The following CHODL variants were observed in gnomAD, a reference collection of about 807,000 sequenced individuals.
The protein encoded by CHODL is chondrolectin.
Under a neutral mutation model 34.5 loss-of-function variants are expected in CHODL, and 29 were observed. The ratio of observed to expected loss-of-function variants is 0.84; its 90% confidence interval spans 0.63 to 1.15. The LOEUF is 1.15. Among genes scored for constraint, CHODL ranks in the 50% most tolerant of loss-of-function variants. The pLI is 0.00. For missense variants in CHODL, 332 were observed against 332.5 expected (o/e 1.00, Z 0.01); for synonymous variants, 125 against 116.1 (o/e 1.08, Z -0.49).
chr21:17,966,045 T>A (rs2063569815), intron 1 of CHODL, among the ~76,000 whole-genome samples: 1 of 151,884 alleles, frequency 6.6e-6, no homozygotes, highest in African/African-American at 2.4e-5. Flanking sequence ...TTCTTAAATA[T>A]TTTAATATTA....
In CHODL at chr21:18,266,116, G is replaced by A. The variant is rs1568966762; in HGVS notation, c.*78G>A. The A allele has an allele frequency of 6.2e-7, 1 of 1,610,936 alleles. No homozygotes were observed. The highest frequency in any genetic ancestry group is 1.3e-5 in the African/African-American group (1 of 74,972). ...TGGCATCAGAACAATAGCTTGGAAT[G>A]GCTTGAAATCACAAAGGATCTGCAA... is the stretch of plus-strand genomic sequence containing the variant. On this transcript the variant is annotated 3_prime_UTR_variant, in exon 6 of 6. Coordinates refer to ENST00000299295, the MANE Select transcript of CHODL (RefSeq NM_024944.3).
intron 2 of CHODL, among the ~76,000 whole-genome samples, chr21:18,081,225 T>G (rs2064937806): frequency 6.6e-6 from 1 of 151,996 alleles, no homozygotes; most frequent in Admixed American, 6.6e-5. Context: ...AATCTAAGAG[T>G]TTTTTGGTGG....
intron 1 of CHODL, among the ~76,000 whole-genome samples, chr21:18,251,187 T>C (rs924464344): frequency 2.0e-5 from 3 of 150,794 alleles, no homozygotes; most frequent in Non-Finnish European, 4.4e-5. Flanking sequence ...GTTAGCTCTA[T>C]AGAAATTTTA....
At chr21:18,159,766 G>A (rs969994293) in intron 2 of CHODL, among the ~76,000 whole-genome samples, 5 of 152,284 alleles carry the variant, frequency 3.3e-5, no homozygotes, top group African/African-American at 1.2e-4. Flanking sequence ...TAAAAATGGA[G>A]CACTTTTCCC....
intron 1 of CHODL, among the ~76,000 whole-genome samples, chr21:17,994,493 T>G (rs1009179512): frequency 6.6e-6 from 1 of 152,012 alleles, no homozygotes; most frequent in Admixed American, 6.6e-5. Context: ...GCAGGCTTGG[T>G]GGGTTAGTCC....
intron 2 of CHODL, among the ~76,000 whole-genome samples, chr21:18,194,635 C>CAAATAAA (rs2073560414): frequency 6.7e-6 from 1 of 149,872 alleles, no homozygotes; most frequent in African/African-American, 2.5e-5. Context: ...GCGTATTTGA[C>CAAATAAA]AAATAAAAAT....
chr21:18,181,870 A>G (rs935150149), intron 2 of CHODL, among the ~76,000 whole-genome samples: 2 of 152,270 alleles, frequency 1.3e-5, no homozygotes, highest in Middle Eastern at 3.4e-3. Flanking sequence ...ACATATATCA[A>G]TACTTTATTT....
At chr21:18,169,445 A>G (rs10446095) in intron 2 of CHODL, among the ~76,000 whole-genome samples, 70,827 of 146,318 alleles carry the variant, frequency 0.48, 19,619 homozygotes, top group Non-Finnish European at 0.65. Context: ...TTTTTTTTTT[A>G]TCTTGATCTA....
chr21:18,195,492 G>T (rs1033355982), intron 2 of CHODL, among the ~76,000 whole-genome samples: 1 of 152,040 alleles, frequency 6.6e-6, no homozygotes, highest in African/African-American at 2.4e-5. Context: ...CTCAGCAACC[G>T]CCATTCTACT....
intron 2 of CHODL, among the ~76,000 whole-genome samples, chr21:18,051,398 T>G (rs1438442487): frequency 6.6e-6 from 1 of 150,650 alleles, no homozygotes; most frequent in Non-Finnish European, 1.5e-5. Flanking sequence ...TAGGTACAGC[T>G]TTGTCTTTTT....
At chr21:17,968,343 T>C (rs141420104) in intron 1 of CHODL, among the ~76,000 whole-genome samples, 1 of 152,334 alleles carries the variant, frequency 6.6e-6, no homozygotes, top group Non-Finnish European at 1.5e-5. Flanking sequence ...TTTCCCTCTG[T>C]ACCTTGAATG....
intron 1 of CHODL, among the ~76,000 whole-genome samples, chr21:17,977,528 T>G (rs1051435500): frequency 2.2e-4 from 33 of 150,686 alleles, no homozygotes; most frequent in African/African-American, 7.8e-4. Context: ...CCCAGCTAAT[T>G]TTTTTGTATT....
intron 2 of CHODL, among the ~76,000 whole-genome samples, chr21:18,222,578 G>A (rs1403109584): frequency 6.6e-6 from 1 of 152,102 alleles, no homozygotes; most frequent in Non-Finnish European, 1.5e-5. Flanking sequence ...GTGGGAATGT[G>A]GACTGCTGAA....
At chr21:18,039,191 A>C (rs2064345908) in intron 2 of CHODL, among the ~76,000 whole-genome samples, 1 of 151,756 alleles carries the variant, frequency 6.6e-6, no homozygotes, top group South Asian at 2.1e-4. Context: ...GTGTTAACAC[A>C]TTACAAATAA....
At chr21:17,999,789 G>T (rs2063887839) in intron 1 of CHODL, among the ~76,000 whole-genome samples, 1 of 152,186 alleles carries the variant, frequency 6.6e-6, no homozygotes, top group African/African-American at 2.4e-5. Flanking sequence ...GCTGAGATTT[G>T]GGTGGGGACA....
At chr21:18,236,339 A>G (rs1412344227) in intron 2 of CHODL, among the ~76,000 whole-genome samples, 1 of 152,100 alleles carries the variant, frequency 6.6e-6, no homozygotes, top group Admixed American at 6.6e-5. Flanking sequence ...TCCATAGCAC[A>G]TGGGGATTAT....
At chr21:18,167,201 TTC>T (rs72086452) in intron 2 of CHODL, among the ~76,000 whole-genome samples, 65,060 of 135,218 alleles carry the variant, frequency 0.48, 15,530 homozygotes, top group East Asian at 0.62. Context: ...CCATTCCCAT[TTC>T]TCTCTCTCTG....
intron 1 of CHODL, among the ~76,000 whole-genome samples, chr21:17,922,563 G>A (rs548379931): frequency 6.6e-6 from 1 of 152,278 alleles, no homozygotes; most frequent in East Asian, 1.9e-4. Flanking sequence ...TATCTATGAA[G>A]TACTTTAATT....
intron 2 of CHODL, among the ~76,000 whole-genome samples, chr21:18,131,391 T>A (rs1186790831): frequency 6.6e-6 from 1 of 152,200 alleles, no homozygotes; most frequent in Non-Finnish European, 1.5e-5. Context: ...CACAAATTAT[T>A]TGAAACATTT....
Sources: gnomAD v4.1 joint callset for allele counts (sites outside exome capture counted in the v4.1 genomes callset) on GRCh38, gnomAD v4.1.1 for gene constraint, MANE v1.5 for transcripts, NCBI Gene and HGNC (gene_info 2026-07-23, HGNC 2026-07-21) for gene names.